The following KISS1R variants were observed in gnomAD, a reference collection of about 807,000 sequenced individuals.
KISS1R encodes the protein KISS1 receptor, also known as kiSS-1 receptor.
KISS1R carries 19 observed loss-of-function variants against 22.0 expected under a neutral mutation model. That is an observed-to-expected ratio of 0.86 (90% confidence interval 0.60 to 1.26). The LOEUF (loss-of-function observed/expected upper bound fraction) is 1.26, where lower values mean the gene tolerates loss of function less well. Among genes scored for constraint, KISS1R ranks in the 50% most tolerant of loss-of-function variants. KISS1R has a pLI of 0.00. For synonymous variants in KISS1R, 302 were observed against 283.9 expected (o/e 1.06, Z -0.64); for missense variants, 653 against 581.9 (o/e 1.12, Z -1.26).
Position 919,574 on chromosome 19 carries a change from C to T in KISS1R, c.454C>T (p.His152Tyr). The change falls in exon 3 of 5, where the codon CAC (histidine) becomes TAC (tyrosine). Residue 152 changes from histidine to tyrosine, a missense_variant. Physicochemically the swap from His to Tyr is moderately conservative, Grantham distance 83. Coordinates refer to ENST00000234371, the MANE Select transcript of KISS1R (RefSeq NM_032551.5). ...GACGGTGTTCCCGTTGCGCGCCCTG[C>T]ACCGCCGCACGCCCCGCCTGGCGCT... ...YVTVFPLRAL[H>Y]RRTPRLALAV... 1 of 1,555,654 alleles carries T rather than the reference C, an allele frequency of 6.4e-7. No homozygotes were observed. The highest frequency in any genetic ancestry group is 1.7e-4 in the Middle Eastern group (1 of 5,960).
intron 3 of KISS1R, 61 bp downstream of exon 3, chr19:919,686 C>G: frequency 6.5e-7 from 1 of 1,535,228 alleles, no homozygotes. Context: ...CCTGGGCGCC[C>G]GGAGCCACCT....
In KISS1R at chr19:919,546, C is replaced by A; in HGVS notation, c.426C>A (p.Tyr142Ter). The change falls in exon 3 of 5, where the codon TAC becomes TAA. Residue 142 changes from tyrosine (Y) to a stop codon, truncating the protein, a stop_gained. Transcript: ENST00000234371. LOFTEE classifies it high-confidence loss of function. ...TLTAMSVDRW[Y>*]VTVFPLRALH... ...CCGCCATGAGTGTGGACCGCTGGTA[C>A]GTGACGGTGTTCCCGTTGCGCGCCC... 2 of 1,562,906 alleles carry A rather than the reference C, an allele frequency of 1.3e-6. No homozygotes were observed. The highest frequency in any genetic ancestry group is 1.3e-5 in the African/African-American group (1 of 74,078).
At chr19:919,751 C>G in intron 3 of KISS1R, 123 bp from the exon 4 acceptor site, 1 of 1,497,592 alleles carries the variant, frequency 6.7e-7, no homozygotes, top group Non-Finnish European at 9.0e-7. Context: ...CTGCCTAGGG[C>G]CAGCGAGGCT....
intron 1 of KISS1R, 33 bp downstream of exon 1, chr19:917,779 G>A (rs2037070385): frequency 4.4e-6 from 7 of 1,580,100 alleles, no homozygotes; most frequent in Non-Finnish European, 6.0e-6. Flanking sequence ...ACCTGCTGCC[G>A]TCCCGGGGGC....
At position 917,617 on chromosome 19, in the gene KISS1R, G is replaced by T; in HGVS notation, c.115G>T (p.Ala39Ser). ...ASDGPVPSPR[A>S]VDAWLVPLFF... Reference sequence around the variant, plus strand: ...GGACGGCCCAGTCCCTTCGCCGCGGGCCGTGGACGCCTGGCTCGTGCCGCT... The same window carrying T: ...GGACGGCCCAGTCCCTTCGCCGCGGTCCGTGGACGCCTGGCTCGTGCCGCT... The change falls in exon 1 of 5, where the codon GCC (alanine) becomes TCC (serine). Residue 39 changes from alanine (A) to serine (S), a missense_variant. Coordinates refer to ENST00000234371, the MANE Select transcript of KISS1R (RefSeq NM_032551.5). 1.3e-6 allele frequency: 2 copies of T among 1,573,402 alleles called. No individual in the cohort carries two copies. The highest frequency in any genetic ancestry group is 8.6e-7 in the Non-Finnish European group (1 of 1,162,018).
rs1599370924 is a variant in KISS1R, at chr19:920,107, G to C, written c.738+1G>C. 13 of 1,498,580 alleles carry C rather than the reference G, an allele frequency of 8.7e-6. No individual in the cohort carries two copies. The highest frequency in any genetic ancestry group is 1.1e-5 in the Non-Finnish European group (12 of 1,132,402). 92.8% of individuals were successfully genotyped at this position (1,498,580 alleles called of 1,614,324 possible). Reference sequence around the variant, plus strand: ...CGCGCCCGCCGATAGCGCCCTGCAGGTGCGCGGCGTGGGTGGGAGGACAGC... The same window carrying C: ...CGCGCCCGCCGATAGCGCCCTGCAGCTGCGCGGCGTGGGTGGGAGGACAGC... On this transcript the variant is annotated splice_donor_variant, in intron 4 of 4. Coordinates refer to ENST00000234371, the MANE Select transcript of KISS1R (RefSeq NM_032551.5). LOFTEE classifies it high-confidence loss of function.
intron 1 of KISS1R, 97 bp from the exon 2 acceptor site, chr19:918,447 C>A: frequency 7.0e-7 from 1 of 1,427,718 alleles, no homozygotes; most frequent in Admixed American, 2.1e-5. Flanking sequence ...GCTGGTCACT[C>A]GGACCAAGGT....
At position 919,888 on chromosome 19, in the gene KISS1R, T is replaced by A. The variant is rs2037100244; in HGVS notation, c.520T>A (p.Ser174Thr). The A allele has an allele frequency of 3.3e-6, 5 of 1,535,298 alleles. No individual in the cohort carries two copies. Among genetic ancestry groups the A allele is most frequent in the Non-Finnish European group, 4.4e-6 (5 of 1,146,062 alleles). ...LSIWVGSAAV[S>T]APVLALHRLS... ...TTGTGGCACAGGCTCTGCGGCGGTG[T>A]CTGCGCCGGTGCTCGCCCTGCACCG... is the stretch of plus-strand genomic sequence containing the variant. The change falls in exon 4 of 5, where the codon TCT becomes ACT. Residue 174 changes from serine (S) to threonine (T), a missense_variant. Physicochemically the swap from Ser to Thr is moderately conservative, Grantham distance 58. Transcript: ENST00000234371.
At chr19:919,021 G>A (rs2037088178) in intron 2 of KISS1R, among the ~76,000 whole-genome samples, 2 of 150,690 alleles carry the variant, frequency 1.3e-5, no homozygotes, top group Admixed American at 6.6e-5. Context: ...GAGCCCACGT[G>A]GGAAGGGAGG....
intron 2 of KISS1R, among the ~76,000 whole-genome samples, 155 bp downstream of exon 2, chr19:918,823 C>A (rs1213643379): frequency 2.6e-5 from 3 of 116,096 alleles, no homozygotes; most frequent in Admixed American, 8.7e-5. Context: ...AGGGGGGGTG[C>A]GCTGCGGAGC....
At chr19:918,429 G>A (rs2037078616) in intron 1 of KISS1R, 115 bp from the exon 2 acceptor site, 3 of 1,267,762 alleles carry the variant, frequency 2.4e-6, no homozygotes, top group Non-Finnish European at 3.2e-6. Context: ...GCCTCCCTGA[G>A]CCATCCTGCT....
Position 919,441 on chromosome 19 carries a change from G to A in KISS1R, c.370-49G>A, listed in dbSNP as rs1463254744. 2.6e-6 allele frequency: 4 copies of A among 1,536,478 alleles called. No homozygotes were observed. The Admixed American group carries it at 7.8e-5, about 30-fold the overall frequency. The stretch of plus-strand genomic sequence containing the variant: ...ATCAGCAGGGCGGGCGGACAGGGCA[G>A]GCTCCCAACCGCGCAGGTGGCCACA... On this transcript the variant is annotated intron_variant, in intron 2 of 4. Coordinates refer to ENST00000234371, the MANE Select transcript of KISS1R (RefSeq NM_032551.5).
In KISS1R at chr19:920,704, G is replaced by A; in HGVS notation, c.1153G>A (p.Ala385Thr). 1 of 1,308,286 alleles carries A rather than the reference G, an allele frequency of 7.6e-7. No homozygotes were observed. The highest frequency in any genetic ancestry group is 9.7e-7 in the Non-Finnish European group (1 of 1,029,602). 81.0% of individuals were successfully genotyped at this position (1,308,286 alleles called of 1,614,324 possible). ...GAAGCCAGGGAGCAGTGGGCTGGCC[G>A]CGCGCGGGCTGTGCGTCCTGGGGGA... ...AQKPGSSGLA[A>T]RGLCVLGEDN... The change falls in exon 5 of 5, where the codon GCG becomes ACG. Residue 385 changes from alanine to threonine, a missense_variant. Ala to Thr is a moderately conservative substitution (Grantham distance 58, BLOSUM62 0). Coordinates refer to ENST00000234371, the MANE Select transcript of KISS1R (RefSeq NM_032551.5).
At position 917,432 on chromosome 19, in the gene KISS1R, C is replaced by T. The variant is rs1010447853; in HGVS notation, c.-71C>T. ...CAGGCGCAGCCCCCGGGCGGTCGGG[C>T]GGAGGGGTCCCCGGGGCGGTGCCAG... On this transcript the variant is annotated 5_prime_UTR_variant, in exon 1 of 5. Transcript: ENST00000234371. 10 of 1,373,010 alleles carry T rather than the reference C, an allele frequency of 7.3e-6. No homozygotes were observed. Among genetic ancestry groups the T allele is most frequent in the Non-Finnish European group, 9.3e-6 (10 of 1,070,590 alleles). 85.1% of individuals were successfully genotyped at this position (1,373,010 alleles called of 1,614,324 possible).
rs1281429542 is a variant in KISS1R at position 918,628 on chromosome 19, T to C, written c.329T>C (p.Leu110Pro). The change falls in exon 2 of 5, where the codon CTG becomes CCG. Residue 110 changes from leucine (L) to proline (P), a missense_variant. Leu to Pro is a moderately conservative substitution (Grantham distance 98, BLOSUM62 -3). Transcript: ENST00000234371. Reference sequence around the variant, plus strand: ...CTGTACCCGCTGCCCGGCTGGGTGCTGGGCGACTTCATGTGCAAGTTCGTC... The same window carrying C: ...CTGTACCCGCTGCCCGGCTGGGTGCCGGGCGACTTCATGTGCAAGTTCGTC... ...ALLYPLPGWV[L>P]GDFMCKFVNY... is the part of the protein sequence containing the mutation. The C allele has an allele frequency of 1.9e-6, 3 of 1,551,184 alleles. No homozygotes were observed. Among genetic ancestry groups the C allele is most frequent in the African/African-American group, 1.4e-5 (1 of 73,196 alleles).
At position 919,501 on chromosome 19, in the gene KISS1R, G is replaced by C. The variant is rs1296885216; in HGVS notation, c.381G>C (p.Gln127His). 4.5e-6 allele frequency: 7 copies of C among 1,553,604 alleles called. No homozygotes were observed. The African/African-American group carries it at 8.1e-5, about 18-fold the overall frequency. The change falls in exon 3 of 5, where the codon CAG becomes CAC. Residue 127 changes from glutamine (Q) to histidine (H), a missense_variant. Coordinates refer to ENST00000234371, the MANE Select transcript of KISS1R (RefSeq NM_032551.5). ...GGCGGCTCCCGCAGGTCTCGGTGCA[G>C]GCCACGTGTGCCACTCTGACCGCCA... Reference protein sequence around the residue: ...FVNYIQQVSVQATCATLTAMS... With the variant: ...FVNYIQQVSVHATCATLTAMS...
rs2145319875 is a variant in KISS1R, at chr19:919,540, C to T, written c.420C>T (p.Arg140=). ...CATLTAMSVD[R]WYVTVFPLRA... is the part of the protein sequence containing the mutation. ...CTCTGACCGCCATGAGTGTGGACCG[C>T]TGGTACGTGACGGTGTTCCCGTTGC... is the stretch of plus-strand genomic sequence containing the variant. Residue 140 remains arginine (R), a synonymous_variant, in exon 3 of 5, where the codon CGC becomes CGT. Coordinates refer to ENST00000234371, the MANE Select transcript of KISS1R (RefSeq NM_032551.5). 9 of 1,563,598 alleles carry T rather than the reference C, an allele frequency of 5.8e-6. No individual in the cohort carries two copies. Among genetic ancestry groups the T allele is most frequent in the Non-Finnish European group, 7.8e-6 (9 of 1,158,688 alleles).
At position 919,547 on chromosome 19, in the gene KISS1R, G is replaced by A. The variant is rs1291716869; in HGVS notation, c.427G>A (p.Val143Met). The A allele has an allele frequency of 6.4e-7, 1 of 1,562,826 alleles. No homozygotes were observed. The highest frequency in any genetic ancestry group is 8.6e-7 in the Non-Finnish European group (1 of 1,158,102). The change falls in exon 3 of 5, where the codon GTG becomes ATG. Residue 143 changes from valine (V) to methionine (M), a missense_variant. Physicochemically the swap from Val to Met is conservative, Grantham distance 21 (BLOSUM62 1). Coordinates refer to ENST00000234371, the MANE Select transcript of KISS1R (RefSeq NM_032551.5). ...LTAMSVDRWYVTVFPLRALHR... is the reference protein window; with the variant it reads ...LTAMSVDRWYMTVFPLRALHR... ...CGCCATGAGTGTGGACCGCTGGTAC[G>A]TGACGGTGTTCCCGTTGCGCGCCCT... is the stretch of plus-strand genomic sequence containing the variant.
intron 3 of KISS1R, 24 bp from the exon 4 acceptor site, chr19:919,850 T>C (rs762166297): frequency 3.3e-6 from 5 of 1,531,520 alleles, no homozygotes; most frequent in Non-Finnish European, 3.5e-6. Flanking sequence ...CCGAGCGGGG[T>C]CTTCATCCTG....
Sources: gnomAD v4.1 joint callset for allele counts (sites outside exome capture counted in the v4.1 genomes callset) on GRCh38, gnomAD v4.1.1 for gene constraint, MANE v1.5 for transcripts, NCBI Gene and HGNC (gene_info 2026-07-23, HGNC 2026-07-21) for gene names.